The following PSD3 variants were observed in gnomAD, a reference collection of about 807,000 sequenced individuals.
The protein encoded by PSD3 is pleckstrin and Sec7 domain containing 3.
Under a neutral mutation model 105.5 loss-of-function variants are expected in PSD3, and 49 were observed. The ratio of observed to expected loss-of-function variants is 0.46; its 90% CI spans 0.37 to 0.59. PSD3 has a LOEUF of 0.59. Among genes scored for constraint, PSD3 ranks in the 20% least tolerant of loss-of-function variants. The pLI is 0.00. For missense variants in PSD3, 1,561 were observed against 1,263.8 expected (o/e 1.24, Z -3.57); for synonymous variants, 557 against 457.8 (o/e 1.22, Z -2.77).
At chr8:18,684,161 G>C (rs927038758) in intron 9 of PSD3, 2 of 408,764 alleles carry the variant, frequency 4.9e-6, no homozygotes, top group Middle Eastern at 1.4e-3. Context: ...TGGCTGCAAA[G>C]AGGAAAAAAA....
chr8:18,641,861 C>T (rs1009880605), intron 10 of PSD3, among the ~76,000 whole-genome samples: 2 of 148,938 alleles, frequency 1.3e-5, no homozygotes, highest in African/African-American at 4.9e-5. Flanking sequence ...TCACATTATA[C>T]CACGAGGCAG....
chr8:18,536,793 G>C (rs1457164140), intron 15 of PSD3, among the ~76,000 whole-genome samples: 1 of 150,302 alleles, frequency 6.7e-6, no homozygotes, highest in Admixed American at 6.6e-5. Context: ...TCAATATATA[G>C]AACTATCATA....
chr8:18,706,432 G>T (rs1225323565), intron 9 of PSD3, among the ~76,000 whole-genome samples: 1 of 152,056 alleles, frequency 6.6e-6, no homozygotes, highest in Non-Finnish European at 1.5e-5. Context: ...TAAAACAACA[G>T]GATAGGTCAA....
intron 9 of PSD3, among the ~76,000 whole-genome samples, chr8:18,758,823 T>G (rs946976428): frequency 6.6e-6 from 1 of 152,144 alleles, no homozygotes; most frequent in Admixed American, 6.5e-5. Context: ...GCTGACAAGA[T>G]AGGTTAAAAA....
At chr8:18,945,014 C>A (rs1563449524) in intron 1 of PSD3, among the ~76,000 whole-genome samples, 1 of 152,094 alleles carries the variant, frequency 6.6e-6, no homozygotes, top group Non-Finnish European at 1.5e-5. Context: ...ACTAGCTGTG[C>A]TTACTGTTAT....
chr8:19,036,827 T>C (rs1318595120), intron 1 of PSD3, among the ~76,000 whole-genome samples: 2 of 152,216 alleles, frequency 1.3e-5, no homozygotes, highest in Non-Finnish European at 2.9e-5. Flanking sequence ...GGCTCTTCTT[T>C]AGACACTAGT....
intron 12 of PSD3, among the ~76,000 whole-genome samples, chr8:18,588,806 G>C (rs939637377): frequency 6.6e-6 from 1 of 152,156 alleles, no homozygotes; most frequent in Non-Finnish European, 1.5e-5. Flanking sequence ...ATTTATCTGA[G>C]GGAGAGGACA....
chr8:18,614,790 G>A (rs954212100), intron 11 of PSD3, among the ~76,000 whole-genome samples: 3 of 131,652 alleles, frequency 2.3e-5, no homozygotes, highest in Non-Finnish European at 5.0e-5. Context: ...CATCATGCCT[G>A]GCTAATTTTT....
At chr8:18,789,441 T>C (rs1180018843) in intron 8 of PSD3, among the ~76,000 whole-genome samples, 1 of 152,194 alleles carries the variant, frequency 6.6e-6, no homozygotes, top group East Asian at 1.9e-4. Context: ...TTCATAAATG[T>C]GTTATTCACT....
At chr8:18,733,347 G>A (rs1297694547) in intron 9 of PSD3, 1 of 152,222 alleles carries the variant, frequency 6.6e-6, no homozygotes, top group Admixed American at 6.5e-5. Context: ...ACAGCCACAG[G>A]TGAAAAAGGA....
intron 1 of PSD3, among the ~76,000 whole-genome samples, chr8:18,969,328 G>A (rs1331982250): frequency 6.6e-6 from 1 of 152,092 alleles, no homozygotes; most frequent in Non-Finnish European, 1.5e-5. Flanking sequence ...CTGAAAATAA[G>A]ACATCTAAAT....
chr8:18,564,866 T>G (rs1188334657), intron 14 of PSD3, among the ~76,000 whole-genome samples: 1 of 152,132 alleles, frequency 6.6e-6, no homozygotes, highest in Non-Finnish European at 1.5e-5. Context: ...GAATCAAGCA[T>G]AGGACTGCTT....
intron 1 of PSD3, among the ~76,000 whole-genome samples, chr8:19,043,028 G>A (rs1275823376): frequency 2.6e-5 from 4 of 152,110 alleles, no homozygotes; most frequent in Admixed American, 2.0e-4. Context: ...CAATAATCTG[G>A]TTCTTATCCA....
chr8:18,600,169 C>G (rs11203969), intron 12 of PSD3, among the ~76,000 whole-genome samples, 195 bp downstream of exon 12: 1 of 152,176 alleles, frequency 6.6e-6, no homozygotes, highest in Non-Finnish European at 1.5e-5. Flanking sequence ...TTTCATTACG[C>G]TACTGAGAAC....
At chr8:18,632,389 A>C (rs1165544914) in intron 11 of PSD3, among the ~76,000 whole-genome samples, 5 of 152,054 alleles carry the variant, frequency 3.3e-5, no homozygotes, top group African/African-American at 1.2e-4. Flanking sequence ...AGAATGAATA[A>C]ATTGAAAGGA....
intron 4 of PSD3, among the ~76,000 whole-genome samples, chr8:18,847,085 T>C (rs1347303408): frequency 6.6e-6 from 1 of 152,156 alleles, no homozygotes; most frequent in African/African-American, 2.4e-5. Flanking sequence ...ACACTGCCTT[T>C]CACCTCTTAC....
At chr8:18,877,749 C>T (rs555443136) in intron 2 of PSD3, among the ~76,000 whole-genome samples, 16 of 152,068 alleles carry the variant, frequency 1.1e-4, no homozygotes, top group East Asian at 5.8e-4. Context: ...ACTACATTGC[C>T]CAGGCTGGTC....
At chr8:18,904,862 G>C (rs984772143) in intron 2 of PSD3, among the ~76,000 whole-genome samples, 1 of 152,120 alleles carries the variant, frequency 6.6e-6, no homozygotes, top group African/African-American at 2.4e-5. Context: ...AGAAAGACAA[G>C]AGAGGAATAG....
chr8:18,720,237 T>A (rs943753956), intron 9 of PSD3, among the ~76,000 whole-genome samples: 1 of 152,130 alleles, frequency 6.6e-6, no homozygotes, highest in South Asian at 2.1e-4. Context: ...CATAACCATA[T>A]TTTATTAAAA....
Sources: gnomAD v4.1 joint callset for allele counts (sites outside exome capture counted in the v4.1 genomes callset) on GRCh38, gnomAD v4.1.1 for gene constraint, MANE v1.5 for transcripts, NCBI Gene and HGNC (gene_info 2026-07-23, HGNC 2026-07-21) for gene names.